The following PHF20L1 variants were observed in gnomAD, a reference collection of about 807,000 sequenced individuals.
The protein encoded by PHF20L1 is PHD finger protein 20 like 1.
Under a neutral mutation model 125.5 loss-of-function variants are expected in PHF20L1, and 44 were observed. That is an observed-to-expected ratio of 0.35 (90% CI 0.28 to 0.45). The LOEUF (loss-of-function observed/expected upper bound fraction) is 0.45, where lower values mean the gene tolerates loss of function less well. Among genes scored for constraint, PHF20L1 ranks in the 20% least tolerant of loss-of-function variants. The pLI, the probability that PHF20L1 is intolerant of heterozygous loss-of-function variation, is 1.00. For missense variants in PHF20L1, 1,012 were observed against 1,217.2 expected (o/e 0.83, Z 2.51); for synonymous variants, 380 against 403.1 (o/e 0.94, Z 0.69).
chr8:132,818,495 A>G (rs944526924), intron 12 of PHF20L1: 3 of 151,928 alleles, frequency 2.0e-5, no homozygotes, highest in African/African-American at 7.2e-5. Flanking sequence ...AAATAAAATG[A>G]TTGAAGTAAC....
chr8:132,807,625 G>A (rs1229774446), intron 8 of PHF20L1: 4 of 421,336 alleles, frequency 9.5e-6, no homozygotes, highest in African/African-American at 8.3e-5. Context: ...ATACCTGGAT[G>A]AAAAGTAGAC....
At chr8:132,818,203 G>A (rs920713574) in intron 12 of PHF20L1, 1 of 151,850 alleles carries the variant, frequency 6.6e-6, no homozygotes, top group African/African-American at 2.4e-5. Context: ...TTATTTAGAA[G>A]TTTTTAAGAA....
chr8:132,846,888 A>G lies in PHF20L1; in HGVS notation c.*965A>G, dbSNP rs1331482805. 1.3e-5 allele frequency: 2 copies of G among 152,668 alleles called. No individual in the cohort carries two copies. The highest frequency in any genetic ancestry group is 4.1e-4 in the South Asian group (2 of 4,828). The allele number at this position is 152,668 out of a possible 1,614,324, so 9.5% of individuals were successfully genotyped here. On this transcript the variant is annotated 3_prime_UTR_variant, in exon 21 of 21. Transcript: ENST00000395386. ...TGGGATGAGGAGTGACAGAATATCAAAATAATTTGTGGCTGTGGATTTTTT... is the reference window on the plus strand; with the variant it reads ...TGGGATGAGGAGTGACAGAATATCAGAATAATTTGTGGCTGTGGATTTTTT...
chr8:132,846,276 G>A lies in PHF20L1; in HGVS notation c.*353G>A, dbSNP rs576914398. 4.3e-5 allele frequency: 7 copies of A among 161,770 alleles called. No homozygotes were observed. The highest frequency in any genetic ancestry group is 8.1e-5 in the Non-Finnish European group (6 of 73,982). The allele number at this position is 161,770 out of a possible 1,614,324, so 10.0% of individuals were successfully genotyped here. A position where few individuals can be genotyped will look rare whatever the true frequency, so the allele number is the denominator to read the frequency against. Reference sequence around the variant, plus strand: ...GAAAGAAATATGGTATATTTGTATAGTTTTTAATAGAAAGATCTATGTTTA... The same window carrying A: ...GAAAGAAATATGGTATATTTGTATAATTTTTAATAGAAAGATCTATGTTTA... On this transcript the variant is annotated 3_prime_UTR_variant, in exon 21 of 21. Coordinates refer to ENST00000395386, the MANE Select transcript of PHF20L1 (RefSeq NM_016018.5).
chr8:132,802,168 GCTTT>G (rs1256830808), intron 6 of PHF20L1, among the ~76,000 whole-genome samples: 1 of 146,234 alleles, frequency 6.8e-6, no homozygotes, highest in African/African-American at 2.5e-5. Context: ...CATTGATGGT[GCTTT>G]CTTTTCTTAC....
At chr8:132,829,093 G>A (rs1836501238) in intron 14 of PHF20L1, among the ~76,000 whole-genome samples, 1 of 152,102 alleles carries the variant, frequency 6.6e-6, no homozygotes, top group African/African-American at 2.4e-5. Flanking sequence ...TAGCCAGAGG[G>A]AATTGAAGTG....
At chr8:132,812,816 G>C in intron 9 of PHF20L1, 1 of 978,122 alleles carries the variant, frequency 1.0e-6, no homozygotes, top group Non-Finnish European at 1.2e-6. Context: ...ATGAGTTAAA[G>C]TAATGTCACT....
intron 12 of PHF20L1, chr8:132,818,119 A>T (rs559996247): frequency 6.6e-6 from 1 of 152,102 alleles, no homozygotes; most frequent in East Asian, 1.9e-4. Context: ...AAGCATTTGG[A>T]TGTGTATTTT....
intron 13 of PHF20L1, 32 bp downstream of exon 13, chr8:132,824,092 A>T: frequency 7.2e-7 from 1 of 1,395,602 alleles, no homozygotes; most frequent in Non-Finnish European, 1.0e-6. Flanking sequence ...TAAGCAAAAG[A>T]CTATAAAGCT....
At position 132,792,050 on chromosome 8, in the gene PHF20L1, C is replaced by G. The variant is rs189709833; in HGVS notation, c.84-2360C>G. 3.9e-3 allele frequency among the ~76,000 whole-genome samples: 592 copies of G among 152,240 alleles called. 4 individuals are homozygous for G. The highest frequency in any genetic ancestry group is 0.012 in the African/African-American group (504 of 41,542). On this transcript the variant is annotated intron_variant, in intron 2 of 20. Coordinates refer to ENST00000395386, the MANE Select transcript of PHF20L1 (RefSeq NM_016018.5). ...TTTAACTCTGTTACTGTGGACTATT[C>G]TCACTTTGAGAAATGTTTCAAATAT...
chr8:132,809,979 A>G (rs372933311), intron 8 of PHF20L1: 5 of 152,126 alleles, frequency 3.3e-5, no homozygotes, highest in African/African-American at 1.2e-4. Flanking sequence ...CCTATATTTT[A>G]TTAAAGCAGA....
intron 6 of PHF20L1, 136 bp downstream of exon 6, chr8:132,799,308 C>G: frequency 1.8e-6 from 1 of 569,244 alleles, no homozygotes; most frequent in Admixed American, 3.0e-5. Flanking sequence ...CATAGTCATT[C>G]ATCTTCCTTT....
At chr8:132,839,262 C>T in intron 17 of PHF20L1, 125 bp from the exon 18 acceptor site, 1 of 727,640 alleles carries the variant, frequency 1.4e-6, no homozygotes, top group South Asian at 1.7e-5. Context: ...CTGTCTTACT[C>T]TTTTTGAATC....
chr8:132,840,008 C>T (rs560220765), intron 18 of PHF20L1, among the ~76,000 whole-genome samples: 3 of 152,096 alleles, frequency 2.0e-5, no homozygotes, highest in South Asian at 2.1e-4. Context: ...GCCTACAAAC[C>T]GAATTCACTT....
chr8:132,847,890 A>G lies in PHF20L1; in HGVS notation c.*1967A>G, dbSNP rs767278288. 4 of 152,274 alleles carry G rather than the reference A, an allele frequency of 2.6e-5. No homozygotes were observed. Among genetic ancestry groups the G allele is most frequent in the Admixed American group, 2.0e-4 (3 of 15,262 alleles). 9.4% of individuals were successfully genotyped at this position (152,274 alleles called of 1,614,324 possible). ...GTGTGGAGTAAATTTGCTAATGTCT[A>G]TATTTTATGATTGATACTATTATTT... On this transcript the variant is annotated 3_prime_UTR_variant, in exon 21 of 21. Coordinates refer to ENST00000395386, the MANE Select transcript of PHF20L1 (RefSeq NM_016018.5).
chr8:132,800,258 A>G (rs1832892701), intron 6 of PHF20L1, among the ~76,000 whole-genome samples: 2 of 151,768 alleles, frequency 1.3e-5, no homozygotes, highest in Non-Finnish European at 1.5e-5. Flanking sequence ...TAGTCACACT[A>G]TGATGCATTA....
At chr8:132,843,446 T>A in intron 19 of PHF20L1, 9 of 978,846 alleles carry the variant, frequency 9.2e-6, no homozygotes, top group Non-Finnish European at 1.1e-5. Flanking sequence ...TAAAATTAGA[T>A]GTTTTTTTTC....
chr8:132,825,428 T>G (rs769919462), intron 14 of PHF20L1, 57 bp downstream of exon 14: 5 of 1,360,902 alleles, frequency 3.7e-6, no homozygotes, highest in Non-Finnish European at 4.9e-6. Flanking sequence ...TTTCCTTTGA[T>G]TCCCCTTTTC....
At chr8:132,824,979 G>A in intron 13 of PHF20L1, 1 of 1,329,788 alleles carries the variant, frequency 7.5e-7, no homozygotes, top group South Asian at 1.2e-5. Flanking sequence ...ACCACATCAG[G>A]AAATTGAGAA....
Sources: gnomAD v4.1 joint callset for allele counts (sites outside exome capture counted in the v4.1 genomes callset) on GRCh38, gnomAD v4.1.1 for gene constraint, MANE v1.5 for transcripts, NCBI Gene and HGNC (gene_info 2026-07-23, HGNC 2026-07-21) for gene names.